The following PPP3CA variants were observed in gnomAD, a reference collection of about 807,000 sequenced individuals.
The protein encoded by PPP3CA is CAM-PRP catalytic subunit.
Under a neutral mutation model 66.5 loss-of-function variants are expected in PPP3CA, and 14 were observed. That is an observed-to-expected ratio of 0.21 (90% CI 0.14 to 0.33). The LOEUF is 0.33. Among genes scored for constraint, PPP3CA ranks in the 10% least tolerant of loss-of-function variants. The pLI, the probability that PPP3CA is intolerant of heterozygous loss-of-function variation, is 1.00. For synonymous variants in PPP3CA, 232 were observed against 226.2 expected (o/e 1.03, Z -0.23); for missense variants, 317 against 639.5 (o/e 0.50, Z 5.44).
In PPP3CA at chr4:101,204,936, G is replaced by C. The variant is rs1202317244; in HGVS notation, c.59-8820C>G. ...TTCTTCAAAAATATATATATATTCA[G>C]GTACACCATGAGGTACCCCAACTAT... On this transcript the variant is annotated intron_variant, in intron 1 of 13. Transcript: ENST00000394854. Among the ~76,000 whole-genome samples the C allele has an allele frequency of 2.0e-5, 3 of 147,354 alleles. No homozygotes were observed. The Admixed American group carries it at 2.1e-4, about 10-fold the overall frequency.
chr4:101,334,066 C>T (rs1247734143), intron 1 of PPP3CA, among the ~76,000 whole-genome samples: 1 of 151,832 alleles, frequency 6.6e-6, no homozygotes, highest in African/African-American at 2.4e-5. Flanking sequence ...TTACACTCAA[C>T]CAAATAATCT....
At chr4:101,135,463 A>G (rs1331773155) in intron 2 of PPP3CA, among the ~76,000 whole-genome samples, 1 of 152,180 alleles carries the variant, frequency 6.6e-6, no homozygotes, top group East Asian at 1.9e-4. Flanking sequence ...GGGTCTTGAA[A>G]CACTGTTTTA....
At chr4:101,178,690 T>C (rs75221409) in intron 2 of PPP3CA, among the ~76,000 whole-genome samples, 2,437 of 152,192 alleles carry the variant, frequency 0.016, 61 homozygotes, top group African/African-American at 0.056. Context: ...AAAGGCCATG[T>C]CTATTCCCAT....
At position 101,025,820 on chromosome 4, in the gene PPP3CA, C is replaced by CAAAAAA. The variant is rs35434632; in HGVS notation, c.*39_*44dup. 5.0e-5 allele frequency: 24 copies of CAAAAAA among 479,386 alleles called. No individual in the cohort carries two copies. Among genetic ancestry groups the CAAAAAA allele is most frequent in the South Asian group, 1.4e-4 (5 of 35,492 alleles). The allele number at this position is 479,386 out of a possible 1,614,324, so 29.7% of individuals were successfully genotyped here. A position where few individuals can be genotyped will look rare whatever the true frequency, so the allele number is the denominator to read the frequency against. On this transcript the variant is annotated 3_prime_UTR_variant, in exon 14 of 14. Transcript: ENST00000394854. ...GCAATCCCCATCATGCCCCGCAGCT[C>CAAAAAA]AAAAAAAAAAAAAAAAAAAAAAAAA...
In PPP3CA at chr4:101,219,471, G is replaced by C. The variant is rs1448444720; in HGVS notation, c.59-23355C>G. ...GAATTAATCTCTTTAAAAATAACTA[G>C]ATTTTGATAAAATCTCACCATTAAA... is the stretch of plus-strand genomic sequence containing the variant. On this transcript the variant is annotated intron_variant, in intron 1 of 13. Transcript: ENST00000394854. Among the ~76,000 whole-genome samples the C allele has an allele frequency of 1.3e-5, 2 of 151,822 alleles. 1 individual carries two copies. Among genetic ancestry groups the C allele is most frequent in the Admixed American group, 1.3e-4 (2 of 15,202 alleles).
rs186639882 is a variant in PPP3CA, at chr4:101,082,487, G to C, written c.860+699C>G. 2.4e-4 allele frequency among the ~76,000 whole-genome samples: 37 copies of C among 152,256 alleles called. No individual in the cohort carries two copies. The East Asian group carries it at 5.8e-3, about 24-fold the overall frequency. On this transcript the variant is annotated intron_variant, in intron 7 of 13. Transcript: ENST00000394854. ...GCAATGCCTTTCAGTGGAGCCTACT[G>C]GGAAACGGTATCAGACCTCAAATCT...
chr4:101,150,380 C>T (rs1478404398), intron 2 of PPP3CA, among the ~76,000 whole-genome samples: 1 of 152,160 alleles, frequency 6.6e-6, no homozygotes, highest in Non-Finnish European at 1.5e-5. Flanking sequence ...GAAGAGAGCT[C>T]TGTGTGGCAA....
At chr4:101,077,824 G>GTTT (rs74428810) in intron 8 of PPP3CA, among the ~76,000 whole-genome samples, 3 of 133,602 alleles carry the variant, frequency 2.2e-5, no homozygotes, top group Non-Finnish European at 3.3e-5. Flanking sequence ...ACTGGTATCT[G>GTTT]TTTTTTTTTT....
chr4:101,082,669 A>G (rs1193085691), intron 7 of PPP3CA, among the ~76,000 whole-genome samples: 1 of 152,222 alleles, frequency 6.6e-6, no homozygotes, highest in Non-Finnish European at 1.5e-5. Context: ...GCTAGTTAGA[A>G]CATAAACTTT....
chr4:101,331,695 A>C (rs747200928), intron 1 of PPP3CA, among the ~76,000 whole-genome samples: 5 of 152,200 alleles, frequency 3.3e-5, no homozygotes, highest in Non-Finnish European at 1.5e-5. Context: ...CAGCTCAATC[A>C]ACTTTTATTA....
intron 1 of PPP3CA, among the ~76,000 whole-genome samples, chr4:101,251,928 A>G (rs1273972019): frequency 6.6e-6 from 1 of 152,102 alleles, no homozygotes; most frequent in Non-Finnish European, 1.5e-5. Flanking sequence ...ATAAGCCAAT[A>G]CCTTGCCTCC....
intron 1 of PPP3CA, among the ~76,000 whole-genome samples, chr4:101,287,299 ATACT>A (rs1195176937): frequency 1.7e-4 from 26 of 152,238 alleles, no homozygotes. Flanking sequence ...TTAATTATAC[ATACT>A]TAAGCATTAG....
At chr4:101,195,604 A>G (rs1248376808) in intron 2 of PPP3CA, among the ~76,000 whole-genome samples, 7 of 152,230 alleles carry the variant, frequency 4.6e-5, no homozygotes, top group Admixed American at 6.5e-5. Context: ...ATCTTTCCCA[A>G]TGAATATCCT....
At chr4:101,121,163 T>C (rs1007129106) in intron 2 of PPP3CA, among the ~76,000 whole-genome samples, 3 of 152,066 alleles carry the variant, frequency 2.0e-5, no homozygotes, top group Non-Finnish European at 2.9e-5. Context: ...ATACTAGAAT[T>C]GCTAAAAAGA....
chr4:101,215,847 T>G (rs373634912), intron 1 of PPP3CA, among the ~76,000 whole-genome samples: 2 of 152,242 alleles, frequency 1.3e-5, no homozygotes, highest in African/African-American at 4.8e-5. Flanking sequence ...TTTTTCCATA[T>G]AGTATAAAGA....
At chr4:101,239,004 A>G (rs927081912) in intron 1 of PPP3CA, among the ~76,000 whole-genome samples, 12 of 152,084 alleles carry the variant, frequency 7.9e-5, no homozygotes, top group African/African-American at 2.7e-4. Flanking sequence ...AATTAAATTA[A>G]TTTCCTCCAT....
At chr4:101,195,683 CATCTCT>C (rs1467673845) in intron 2 of PPP3CA, among the ~76,000 whole-genome samples, 1 of 152,124 alleles carries the variant, frequency 6.6e-6, no homozygotes, top group African/African-American at 2.4e-5. Context: ...AAATCATCAC[CATCTCT>C]AAGTTGCATT....
intron 1 of PPP3CA, among the ~76,000 whole-genome samples, chr4:101,271,967 A>G (rs1252807139): frequency 1.3e-5 from 2 of 152,194 alleles, no homozygotes; most frequent in Non-Finnish European, 2.9e-5. Flanking sequence ...GTCATTCGTA[A>G]TCATTATACT....
chr4:101,145,727 CAT>C (rs1722949800), intron 2 of PPP3CA, among the ~76,000 whole-genome samples: 2 of 152,158 alleles, frequency 1.3e-5, no homozygotes, highest in East Asian at 3.9e-4. Flanking sequence ...ACAATAATTA[CAT>C]GTTACTGGAA....
Sources: gnomAD v4.1 joint callset for allele counts (sites outside exome capture counted in the v4.1 genomes callset) on GRCh38, gnomAD v4.1.1 for gene constraint, MANE v1.5 for transcripts, NCBI Gene and HGNC (gene_info 2026-07-23, HGNC 2026-07-21) for gene names.